The following ADAMTS19 variants were observed in gnomAD, a reference collection of about 807,000 sequenced individuals.
ADAMTS19 encodes A disintegrin and metalloproteinase with thrombospondin motifs 19.
ADAMTS19 carries 93 observed loss-of-function variants against 153.3 expected under a neutral mutation model. That is an observed-to-expected ratio of 0.61 (90% CI 0.51 to 0.72). The LOEUF (loss-of-function observed/expected upper bound fraction) is 0.72, where lower values mean the gene tolerates loss of function less well. Ranked by LOEUF, ADAMTS19 falls within the 30% of genes least tolerant of loss-of-function variation. ADAMTS19 has a pLI of 0.00. For synonymous variants in ADAMTS19, 600 were observed against 556.6 expected, an observed-to-expected ratio of 1.08 and a Z score of -1.10; for missense variants, 1,482 against 1,552.1, an observed-to-expected ratio of 0.95 and a Z score of 0.76.
chr5:129,576,123 A>C (rs1287468713), intron 7 of ADAMTS19, among the ~76,000 whole-genome samples: 1 of 152,036 alleles, frequency 6.6e-6, no homozygotes, highest in Non-Finnish European at 1.5e-5. Flanking sequence ...CAATAACAGC[A>C]GAAACAAACC....
At chr5:129,474,425 T>G (rs1325648669) in intron 2 of ADAMTS19, among the ~76,000 whole-genome samples, 1 of 152,178 alleles carries the variant, frequency 6.6e-6, no homozygotes, top group Non-Finnish European at 1.5e-5. Context: ...TACCTAGGAC[T>G]GCAATTACTA....
chr5:129,465,587 G>A (rs772384792), intron 2 of ADAMTS19, among the ~76,000 whole-genome samples: 1 of 152,000 alleles, frequency 6.6e-6, no homozygotes, highest in Non-Finnish European at 1.5e-5. Context: ...TTAAAGTATT[G>A]TATTCTGTGG....
chr5:129,693,411 T>C (rs1241813738), intron 18 of ADAMTS19, among the ~76,000 whole-genome samples: 1 of 152,152 alleles, frequency 6.6e-6, no homozygotes, highest in African/African-American at 2.4e-5. Flanking sequence ...TTCTCTAAGC[T>C]TCCATGTCAG....
At chr5:129,630,004 C>T (rs568758317) in intron 10 of ADAMTS19, among the ~76,000 whole-genome samples, 23 of 152,142 alleles carry the variant, frequency 1.5e-4, no homozygotes, top group African/African-American at 5.3e-4. Flanking sequence ...GAACTAGGCA[C>T]ACTATGAATT....
intron 7 of ADAMTS19, among the ~76,000 whole-genome samples, chr5:129,558,166 T>A (rs1330337885): frequency 6.6e-6 from 1 of 152,046 alleles, no homozygotes; most frequent in Admixed American, 6.6e-5. Flanking sequence ...AAGCATTCCT[T>A]TTAGAATCAG....
intron 18 of ADAMTS19, among the ~76,000 whole-genome samples, chr5:129,687,102 G>A (rs1457282514): frequency 6.6e-6 from 1 of 151,942 alleles, no homozygotes; most frequent in East Asian, 1.9e-4. Flanking sequence ...AAAAAACAAA[G>A]GCACAAAATA....
At chr5:129,491,313 T>G (rs1750765475) in intron 2 of ADAMTS19, among the ~76,000 whole-genome samples, 1 of 152,172 alleles carries the variant, frequency 6.6e-6, no homozygotes. Context: ...CTCCTGAGTG[T>G]TTTTATCACT....
chr5:129,577,286 C>T (rs1024871641), intron 7 of ADAMTS19, among the ~76,000 whole-genome samples: 20 of 152,030 alleles, frequency 1.3e-4, no homozygotes, highest in Non-Finnish European at 2.8e-4. Context: ...TTTCAGGTTC[C>T]CACAAAGAAT....
At chr5:129,693,278 CCTCT>C (rs1755415575) in intron 18 of ADAMTS19, among the ~76,000 whole-genome samples, 1 of 152,160 alleles carries the variant, frequency 6.6e-6, no homozygotes, top group African/African-American at 2.4e-5. Flanking sequence ...ATTCAAACTG[CCTCT>C]CTGTCTACAT....
intron 3 of ADAMTS19, among the ~76,000 whole-genome samples, chr5:129,513,984 T>C (rs1751518075): frequency 6.6e-6 from 1 of 152,180 alleles, no homozygotes; most frequent in Admixed American, 6.6e-5. Context: ...ACTGTTTATA[T>C]CCATGAGTTC....
At position 129,622,105 on chromosome 5, in the gene ADAMTS19, G is replaced by C. The variant is rs796229703; in HGVS notation, c.1620-93G>C. 19 of 1,230,140 alleles carry C rather than the reference G, an allele frequency of 1.5e-5. No homozygotes were observed. In the African/African-American group the frequency reaches 2.3e-4, roughly 15 times the overall value. The allele number at this position is 1,230,140 out of a possible 1,614,324, so 76.2% of individuals were successfully genotyped here. ...TGGAAGAGCTTAGAGATATATTTTTGATATTATTAAAGTGTTTCTTGTTGT... is the reference window on the plus strand; with the variant it reads ...TGGAAGAGCTTAGAGATATATTTTTCATATTATTAAAGTGTTTCTTGTTGT... On this transcript the variant is annotated intron_variant, in intron 9 of 22. Coordinates refer to ENST00000274487, the MANE Select transcript of ADAMTS19 (RefSeq NM_133638.6).
intron 2 of ADAMTS19, among the ~76,000 whole-genome samples, chr5:129,498,130 TAA>T (rs1750984516): frequency 6.6e-6 from 1 of 152,116 alleles, no homozygotes; most frequent in Non-Finnish European, 1.5e-5. Context: ...TGTCAGTTTT[TAA>T]CTGAGTTTGG....
At chr5:129,611,348 C>A (rs1197328285) in intron 8 of ADAMTS19, among the ~76,000 whole-genome samples, 1 of 152,174 alleles carries the variant, frequency 6.6e-6, no homozygotes, top group African/African-American at 2.4e-5. Flanking sequence ...GTGTTTTAGA[C>A]ACGAAGTCCT....
intron 21 of ADAMTS19, among the ~76,000 whole-genome samples, chr5:129,711,906 C>T (rs1189760605): frequency 2.0e-5 from 3 of 151,916 alleles, no homozygotes; most frequent in Admixed American, 6.6e-5. Flanking sequence ...TACCAAAGAT[C>T]GCTTTTGCAG....
chr5:129,575,701 GT>G, intron 7 of ADAMTS19, among the ~76,000 whole-genome samples: 1 of 152,182 alleles, frequency 6.6e-6, no homozygotes, highest in South Asian at 2.1e-4. Flanking sequence ...ACAAGAGTTA[GT>G]TGTGTAATCT....
chr5:129,482,201 A>G (rs1750437361), intron 2 of ADAMTS19, among the ~76,000 whole-genome samples: 1 of 152,140 alleles, frequency 6.6e-6, no homozygotes, highest in Non-Finnish European at 1.5e-5. Context: ...CTCCCTGTCC[A>G]TCTGTGCTCT....
chr5:129,539,796 A>G (rs1581059277), intron 6 of ADAMTS19, among the ~76,000 whole-genome samples: 1 of 152,090 alleles, frequency 6.6e-6, no homozygotes, highest in South Asian at 2.1e-4. Context: ...GTACACATAT[A>G]TAAAATACTG....
intron 14 of ADAMTS19, among the ~76,000 whole-genome samples, chr5:129,654,701 G>A (rs918652973): frequency 2.6e-5 from 4 of 152,162 alleles, no homozygotes; most frequent in African/African-American, 7.2e-5. Flanking sequence ...ATATATTACA[G>A]GTTTAAAATT....
chr5:129,655,076 A>T (rs1463247942), intron 14 of ADAMTS19, among the ~76,000 whole-genome samples: 2 of 152,210 alleles, frequency 1.3e-5, no homozygotes, highest in Non-Finnish European at 1.5e-5. Context: ...CCACTGTCTC[A>T]AGTTGACATT....
Sources: gnomAD v4.1 joint callset for allele counts (sites outside exome capture counted in the v4.1 genomes callset) on GRCh38, gnomAD v4.1.1 for gene constraint, MANE v1.5 for transcripts, NCBI Gene and HGNC (gene_info 2026-07-23, HGNC 2026-07-21) for gene names.